NR1I2: variants seen among roughly 807,000 people sequenced by gnomAD.
NR1I2 encodes orphan nuclear receptor PAR1.
NR1I2 carries 42 observed loss-of-function variants against 43.3 expected under a neutral mutation model. The observed-to-expected ratio is 0.97, with a 90% CI of 0.76 to 1.26. The LOEUF (loss-of-function observed/expected upper bound fraction) is 1.26, where lower values mean the gene tolerates loss of function less well. Among genes scored for constraint, NR1I2 ranks in the 50% most tolerant of loss-of-function variants. NR1I2 has a pLI of 0.00. For missense variants in NR1I2, 559 were observed against 566.7 expected, an observed-to-expected ratio of 0.99 and a Z score of 0.14; for synonymous variants, 229 against 215.0, an observed-to-expected ratio of 1.06 and a Z score of -0.57.
chr3:119,804,955 C>T (rs1018675867), intron 1 of NR1I2, among the ~76,000 whole-genome samples: 2 of 152,132 alleles, frequency 1.3e-5, no homozygotes, highest in African/African-American at 4.8e-5. Context: ...CTAAGATTTA[C>T]CATCTTTTTT....
chr3:119,806,182 C>A (rs1278864724), intron 1 of NR1I2, among the ~76,000 whole-genome samples: 1 of 152,168 alleles, frequency 6.6e-6, no homozygotes, highest in Admixed American at 6.5e-5. Context: ...CAGGACAATC[C>A]CCCATTTCTA....
At chr3:119,796,773 C>T (rs1311861201) in intron 1 of NR1I2, among the ~76,000 whole-genome samples, 2 of 152,242 alleles carry the variant, frequency 1.3e-5, no homozygotes, top group Non-Finnish European at 2.9e-5. Context: ...CTTCTCTCTC[C>T]TCACTTCTTG....
rs535959535 is a variant in NR1I2, at chr3:119,803,242, C to T, written c.-22-3987C>T. ...GTCCCAGGAGGCTGAGTTGGAGGATCGCTTGAGTCCAGGAGATAGAGGCTG... is the reference window on the plus strand; with the variant it reads ...GTCCCAGGAGGCTGAGTTGGAGGATTGCTTGAGTCCAGGAGATAGAGGCTG... On this transcript the variant is annotated intron_variant, in intron 1 of 8. Coordinates refer to ENST00000393716, the MANE Select transcript of NR1I2 (RefSeq NM_003889.4). 2.5e-3 allele frequency among the ~76,000 whole-genome samples: 386 copies of T among 151,528 alleles called. 4 individuals are homozygous for T. The highest frequency in any genetic ancestry group is 1.8e-3 in the Non-Finnish European group (120 of 67,900).
chr3:119,791,881 G>A (rs2054923829), intron 1 of NR1I2: 1 of 603,680 alleles, frequency 1.7e-6, no homozygotes, highest in Admixed American at 1.9e-5. Context: ...GTTGCAGAAG[G>A]CATGGTGAAC....
At chr3:119,792,948 G>T (rs1424742598) in intron 1 of NR1I2, among the ~76,000 whole-genome samples, 1 of 152,080 alleles carries the variant, frequency 6.6e-6, no homozygotes, top group African/African-American at 2.4e-5. Flanking sequence ...GAGGTGTTTG[G>T]TCATGGGGGT....
In NR1I2 at chr3:119,815,336, A is replaced by G. The variant is rs1226540088; in HGVS notation, c.951A>G (p.Gln317=). 17 of 1,613,782 alleles carry G rather than the reference A, an allele frequency of 1.1e-5. No individual in the cohort carries two copies. The Admixed American group carries it at 2.7e-4, about 25-fold the overall frequency. The change falls in exon 7 of 9, where the codon CAA becomes CAG. Residue 317 remains glutamine (Q), a synonymous_variant. Transcript: ENST00000393716. ...TACCATCCACAGGTGGCTTCCAGCA[A>G]CTTCTACTGGAGCCCATGCTGAAAT...
At chr3:119,807,105 A>T (rs1277954134) in intron 1 of NR1I2, 124 bp from the exon 2 acceptor site, 15 of 807,864 alleles carry the variant, frequency 1.9e-5, no homozygotes, top group Non-Finnish European at 3.2e-5. Flanking sequence ...TCCCCATGAG[A>T]GGTCAGCTCC....
chr3:119,799,985 A>AACAAACACAC lies in NR1I2; in HGVS notation c.-22-7241_-22-7240insAACACACACA, dbSNP rs1553717728. On this transcript the variant is annotated intron_variant, in intron 1 of 8. Transcript: ENST00000393716. Reference sequence around the variant, plus strand: ...CAAAAAACAAACAAACAAACAAACAAACACACACACACACACACACACACA... The same window carrying AACAAACACAC: ...CAAAAAACAAACAAACAAACAAACAAACAAACACACACACACACACACACACACACACACA... 1.8e-4 allele frequency among the ~76,000 whole-genome samples: 25 copies of AACAAACACAC among 142,498 alleles called. No homozygotes were observed. In the East Asian group the frequency reaches 1.8e-3, roughly 10 times the overall value. The allele number at this position is 142,498 out of a possible 152,430, so 93.5% of individuals were successfully genotyped here. A position where few individuals can be genotyped will look rare whatever the true frequency, so the allele number is the denominator to read the frequency against.
At chr3:119,807,536 T>C in intron 2 of NR1I2, 89 bp downstream of exon 2, 3 of 1,180,904 alleles carry the variant, frequency 2.5e-6, no homozygotes, top group Non-Finnish European at 3.7e-6. Context: ...TCCCCCAGGT[T>C]CAGAGTGTGG....
In NR1I2 at chr3:119,815,475, C is replaced by T. The variant is rs12721604; in HGVS notation, c.1054+36C>T. The T allele has an allele frequency of 1.0e-3, 1,551 of 1,528,388 alleles. 15 individuals are homozygous for T. In the African/African-American group the frequency reaches 0.018, roughly 18 times the overall value. 94.7% of individuals were successfully genotyped at this position (1,528,388 alleles called of 1,614,324 possible). On this transcript the variant is annotated intron_variant, in intron 7 of 8. Transcript: ENST00000393716. ...CCCCTAGGCTGCCTGACATCCCCCCCAGCCTTATCTGCCCTCCCCAGGGAA... is the reference window on the plus strand; with the variant it reads ...CCCCTAGGCTGCCTGACATCCCCCCTAGCCTTATCTGCCCTCCCCAGGGAA...
Position 119,811,575 on chromosome 3 carries a change from C to A in NR1I2, c.368C>A (p.Ala123Asp). 3 of 1,613,442 alleles carry A rather than the reference C, an allele frequency of 1.9e-6. No individual in the cohort carries two copies. The highest frequency in any genetic ancestry group is 2.5e-6 in the Non-Finnish European group (3 of 1,179,700). ...GACGAGGCCGTGGAGGAGAGGCGGG[C>A]CTTGATCAAGCGGAAGAAAAGTGAA... The change falls in exon 4 of 9, where the codon GCC becomes GAC. Residue 123 changes from alanine to aspartate, a missense_variant. Ala to Asp is a moderately radical substitution (Grantham distance 126). Transcript: ENST00000393716.
intron 1 of NR1I2, among the ~76,000 whole-genome samples, chr3:119,794,368 T>C (rs13085558): frequency 0.13 from 20,463 of 151,628 alleles, 1,687 homozygotes; most frequent in East Asian, 0.23. Context: ...AATTTTTAAA[T>C]TTTTTTGTAG....
intron 1 of NR1I2, chr3:119,791,772 G>A (rs1231785774): frequency 7.0e-6 from 3 of 429,948 alleles, no homozygotes; most frequent in Non-Finnish European, 1.3e-5. Context: ...AAAATTAGAT[G>A]TGGAGTTCAG....
chr3:119,792,895 A>C lies in NR1I2; in HGVS notation c.-23+10595A>C, dbSNP rs143698415. Among the ~76,000 whole-genome samples, 1,182 of 151,864 alleles carry C rather than the reference A, an allele frequency of 7.8e-3. 8 individuals carry two copies. Among genetic ancestry groups the C allele is most frequent in the African/African-American group, 0.02 (839 of 41,364 alleles). ...GTCTCAAAAACAAAAAACAAACAAA[A>C]AAAAAGAAACGTGGCCTCCAATGTT... is the stretch of plus-strand genomic sequence containing the variant. On this transcript the variant is annotated intron_variant, in intron 1 of 8. Coordinates refer to ENST00000393716, the MANE Select transcript of NR1I2 (RefSeq NM_003889.4).
intron 1 of NR1I2, among the ~76,000 whole-genome samples, chr3:119,804,652 G>A (rs2055126822): frequency 6.6e-6 from 1 of 151,658 alleles, no homozygotes; most frequent in Admixed American, 6.6e-5. Context: ...TACCATGTTG[G>A]CCAGGCTGGT....
intron 2 of NR1I2, 37 bp from the exon 3 acceptor site, chr3:119,810,024 C>T: frequency 6.2e-7 from 1 of 1,613,230 alleles, no homozygotes; most frequent in Non-Finnish European, 8.5e-7. Context: ...GCCCGGGCAC[C>T]CGTGCATCCC....
intron 1 of NR1I2, among the ~76,000 whole-genome samples, chr3:119,802,294 A>C (rs1166960132): frequency 6.6e-6 from 1 of 152,228 alleles, no homozygotes; most frequent in Non-Finnish European, 1.5e-5. Flanking sequence ...TTCTAGCATT[A>C]ATTCTACTAT....
intron 1 of NR1I2, among the ~76,000 whole-genome samples, chr3:119,804,001 AC>A (rs2055116048): frequency 6.6e-6 from 1 of 151,158 alleles, no homozygotes. Flanking sequence ...CAAGTGATCC[AC>A]CCATCTCAGC....
At chr3:119,785,959 A>C (rs1414401786) in intron 1 of NR1I2, among the ~76,000 whole-genome samples, 1 of 152,188 alleles carries the variant, frequency 6.6e-6, no homozygotes, top group Non-Finnish European at 1.5e-5. Flanking sequence ...AAGTTAGTGA[A>C]GCTCTCTTCT....
Sources: gnomAD v4.1 joint callset for allele counts (sites outside exome capture counted in the v4.1 genomes callset) on GRCh38, gnomAD v4.1.1 for gene constraint, MANE v1.5 for transcripts, NCBI Gene and HGNC (gene_info 2026-07-23, HGNC 2026-07-21) for gene names.